IL17F: variants seen among roughly 807,000 people sequenced by gnomAD.
The protein encoded by IL17F is interleukin 17F, also known as interleukin-17F.
A neutral mutation model predicts 8.3 loss-of-function variants in IL17F; 6 were observed. The observed-to-expected ratio is 0.73, with a 90% CI of 0.40 to 1.43. The LOEUF (loss-of-function observed/expected upper bound fraction) is 1.43, where lower values mean the gene tolerates loss of function less well. IL17F is among the 40% of genes most tolerant of loss of function. The probability of loss-of-function intolerance (pLI) is 0.02; values close to 1 mark genes in which losing one functional copy is unlikely to be tolerated. For synonymous variants in IL17F, 98 were observed against 81.6 expected (o/e 1.20, Z -1.08); for missense variants, 204 against 209.6 (o/e 0.97, Z 0.17).
upstream of IL17F, among the ~76,000 whole-genome samples, chr6:52,245,571 C>T (rs1764146091): frequency 6.6e-6 from 1 of 152,186 alleles, no homozygotes; most frequent in Non-Finnish European, 1.5e-5. Flanking sequence ...TGTTCTTTCC[C>T]ATGGAGCTGG....
In IL17F at chr6:52,238,926, A is replaced by G. The variant is rs374833689; in HGVS notation, c.58T>C (p.Leu20=). ...GCCTCACTCAGAAAGGCAAGCCCCA[A>G]TATCGACAGCAGCAAGTACTTGACC... ...AMVKYLLLSI[L]GLAFLSEAAA... is the part of the protein sequence containing the mutation. The change falls in exon 2 of 3, where the codon TTG becomes CTG. Residue 20 remains leucine, a synonymous_variant. Transcript: ENST00000336123. The G allele has an allele frequency of 1.1e-5, 17 of 1,613,440 alleles. No homozygotes were observed. The South Asian group carries it at 1.3e-4, about 13-fold the overall frequency.
intron 1 of IL17F, among the ~76,000 whole-genome samples, chr6:52,243,394 CAAG>C (rs1256547040): frequency 1.3e-5 from 2 of 152,114 alleles, no homozygotes; most frequent in African/African-American, 4.8e-5. Context: ...CTCTTTCCTC[CAAG>C]AAGAATGAGA....
chr6:52,242,495 C>A (rs1253296070), intron 1 of IL17F, among the ~76,000 whole-genome samples: 3 of 152,200 alleles, frequency 2.0e-5, no homozygotes, highest in Non-Finnish European at 4.4e-5. Context: ...TGCTGACAAC[C>A]CAACAGATTT....
At chr6:52,242,798 G>C (rs1317127742) in intron 1 of IL17F, among the ~76,000 whole-genome samples, 1 of 152,168 alleles carries the variant, frequency 6.6e-6, no homozygotes, top group African/African-American at 2.4e-5. Flanking sequence ...ATATTAATAT[G>C]AACAGTTAAC....
chr6:52,238,021 T>C (rs1011317761), intron 2 of IL17F, among the ~76,000 whole-genome samples: 2 of 152,324 alleles, frequency 1.3e-5, no homozygotes, highest in Middle Eastern at 3.4e-3. Context: ...TAAGTCTTAA[T>C]AAACTCATCC....
At chr6:52,240,801 A>G (rs1484951835) in intron 1 of IL17F, among the ~76,000 whole-genome samples, 1 of 151,970 alleles carries the variant, frequency 6.6e-6, no homozygotes, top group Non-Finnish European at 1.5e-5. Flanking sequence ...ACAGTGTGGT[A>G]GCTCAGGGCA....
At position 52,239,723 on chromosome 6, in the gene IL17F, CTT is replaced by C. The variant is rs554511268; in HGVS notation, c.34-775_34-774del. ...GCATATTACACATTTTCCATAAACACTTTTGGAATGAATGAGTGAATGAGTGA... is the reference window on the plus strand; with the variant it reads ...GCATATTACACATTTTCCATAAACACTTGGAATGAATGAGTGAATGAGTGA... On this transcript the variant is annotated intron_variant, in intron 1 of 2. Transcript: ENST00000336123. Among the ~76,000 whole-genome samples the C allele has an allele frequency of 2.6e-3, 399 of 152,290 alleles. 3 individuals carry two copies. Among genetic ancestry groups the C allele is most frequent in the African/African-American group, 9.2e-3 (382 of 41,560 alleles).
intron 1 of IL17F, among the ~76,000 whole-genome samples, chr6:52,241,165 G>A (rs1488598045): frequency 3.3e-5 from 5 of 152,136 alleles, no homozygotes; most frequent in East Asian, 1.9e-4. Context: ...TGCAATCTCC[G>A]CCTCCCAGGT....
At chr6:52,240,045 A>G (rs537020490) in intron 1 of IL17F, among the ~76,000 whole-genome samples, 97 of 152,330 alleles carry the variant, frequency 6.4e-4, no homozygotes, top group African/African-American at 2.2e-3. Flanking sequence ...ATCTTGCCAG[A>G]TTCCCTTTGT....
intron 1 of IL17F, among the ~76,000 whole-genome samples, chr6:52,242,970 A>G (rs1764098423): frequency 6.6e-6 from 1 of 152,200 alleles, no homozygotes; most frequent in South Asian, 2.1e-4. Flanking sequence ...GAAAGATGCC[A>G]TTGTTATCCC....
At chr6:52,239,468 T>C (rs1764031276) in intron 1 of IL17F, among the ~76,000 whole-genome samples, 1 of 152,194 alleles carries the variant, frequency 6.6e-6, no homozygotes, top group Non-Finnish European at 1.5e-5. Flanking sequence ...CTACCTAGAA[T>C]ACACTGCCTA....
chr6:52,244,358 C>T lies in IL17F; in HGVS notation c.33+39G>A, dbSNP rs763873601. 90 of 1,600,554 alleles carry T rather than the reference C, an allele frequency of 5.6e-5. 1 individual carries two copies. Among genetic ancestry groups the T allele is most frequent in the Non-Finnish European group, 7.5e-5 (87 of 1,167,784 alleles). ...GGATTCTGTTTTCTGAAATCCTAGG[C>T]ATGACAGTCCTTAAACCAGAATGAT... On this transcript the variant is annotated intron_variant, in intron 1 of 2. Coordinates refer to ENST00000336123, the MANE Select transcript of IL17F (RefSeq NM_052872.4).
chr6:52,239,640 C>G (rs2128268005), intron 1 of IL17F, among the ~76,000 whole-genome samples: 1 of 151,132 alleles, frequency 6.6e-6, no homozygotes, highest in South Asian at 2.1e-4. Context: ...TTTTAATTGT[C>G]TAGAAATGTA....
At chr6:52,237,217 G>T in intron 2 of IL17F, 49 bp from the exon 3 acceptor site, 1 of 1,403,540 alleles carries the variant, frequency 7.1e-7, no homozygotes, top group South Asian at 1.2e-5. Context: ...GGGGGAGGAA[G>T]ACAGCGAATG....
At chr6:52,244,610 GTT>G (rs3215541), upstream of IL17F, 390 of 518,554 alleles carry the variant, frequency 7.5e-4, no homozygotes, top group South Asian at 1.0e-3. Context: ...GAATGCAGGG[GTT>G]TTTTTTTTTA....
In IL17F at chr6:52,238,769, C is replaced by T. The variant is rs144854652; in HGVS notation, c.215G>A (p.Arg72His). The T allele has an allele frequency of 6.6e-5, 106 of 1,614,014 alleles. No individual in the cohort carries two copies. In the African/African-American group the frequency reaches 9.1e-4, roughly 14 times the overall value. Residue 72 changes from arginine (R) to histidine (H), a missense_variant, in exon 2 of 3, where the codon CGT becomes CAT. Arg to His is a conservative substitution (Grantham distance 29). Transcript: ENST00000336123. ...GGAGGTGGAGCGGCTCTCGATGTTA[C>T]GTGACATGGAAACGCGCTGGTTTTC... ...INENQRVSMS[R>H]NIESRSTSPW...
intron 1 of IL17F, chr6:52,239,248 C>T (rs1214832440): frequency 1.0e-5 from 4 of 384,000 alleles, no homozygotes. Flanking sequence ...ATCCTGGCTT[C>T]CTTGCTGAGC....
In IL17F at chr6:52,238,868, GTA is replaced by G. The variant is rs1468823113; in HGVS notation, c.114_115del (p.Thr39PhefsTer6). 3.1e-6 allele frequency: 5 copies of G among 1,614,006 alleles called. No individual in the cohort carries two copies. The highest frequency in any genetic ancestry group is 4.2e-6 in the Non-Finnish European group (5 of 1,179,890). On this transcript the variant is annotated frameshift_variant, in exon 2 of 3. Transcript: ENST00000336123. LOFTEE classifies it high-confidence loss of function. ...GCAACTCTCAGGCTTTTGGAAAAAA[GTA>G]TGTCCTACTTTGGGGATTTTCCGAG...
At chr6:52,237,310 GAAGCA>G in intron 2 of IL17F, 142 bp from the exon 3 acceptor site, 3 of 646,958 alleles carry the variant, frequency 4.6e-6, no homozygotes, top group Non-Finnish European at 8.2e-6. Flanking sequence ...ACACAGCCTG[GAAGCA>G]TACACCAGCC....
Sources: gnomAD v4.1 joint callset for allele counts (sites outside exome capture counted in the v4.1 genomes callset) on GRCh38, gnomAD v4.1.1 for gene constraint, MANE v1.5 for transcripts, NCBI Gene and HGNC (gene_info 2026-07-23, HGNC 2026-07-21) for gene names.